The following HS3ST4 variants were observed in gnomAD, a reference collection of about 807,000 sequenced individuals.
HS3ST4 encodes the protein heparan sulfate-glucosamine 3-sulfotransferase 4, also known as heparan sulfate glucosamine 3-O-sulfotransferase 4.
Under a neutral mutation model 29.2 loss-of-function variants are expected in HS3ST4, and 17 were observed. That is an observed-to-expected ratio of 0.58 (90% CI 0.40 to 0.87). The LOEUF (loss-of-function observed/expected upper bound fraction) is 0.87. HS3ST4 is among the 40% of genes least tolerant of loss of function. The pLI is 0.00. For synonymous variants in HS3ST4, 314 were observed against 285.7 expected, an observed-to-expected ratio of 1.10 and a Z score of -1.00; for missense variants, 627 against 634.5, an observed-to-expected ratio of 0.99 and a Z score of 0.13.
At chr16:26,120,077 G>GTGTGTGTGTA (rs1555485152) in intron 1 of HS3ST4, among the ~76,000 whole-genome samples, 5 of 133,580 alleles carry the variant, frequency 3.7e-5, no homozygotes, top group African/African-American at 5.3e-5. Flanking sequence ...GTGTATGTGT[G>GTGTGTGTGTA]TGTGTGTGTG....
intron 1 of HS3ST4, among the ~76,000 whole-genome samples, chr16:25,904,428 T>A (rs1358967247): frequency 5.3e-5 from 8 of 152,256 alleles, no homozygotes; most frequent in African/African-American, 1.9e-4. Context: ...TGGCAACATT[T>A]GCTTTTTAAA....
intron 1 of HS3ST4, among the ~76,000 whole-genome samples, chr16:25,871,989 G>A (rs1967759007): frequency 6.6e-6 from 1 of 152,108 alleles, no homozygotes. Context: ...CTGGGTATAG[G>A]TCCAGTTTGC....
At chr16:26,015,042 T>C (rs1335806875) in intron 1 of HS3ST4, among the ~76,000 whole-genome samples, 2 of 152,198 alleles carry the variant, frequency 1.3e-5, no homozygotes, top group Admixed American at 1.3e-4. Context: ...ATGAAATTGA[T>C]AGTAAAAATG....
At chr16:26,017,034 A>G (rs1256629019) in intron 1 of HS3ST4, among the ~76,000 whole-genome samples, 1 of 152,200 alleles carries the variant, frequency 6.6e-6, no homozygotes, top group Non-Finnish European at 1.5e-5. Context: ...TCCTCAAGGG[A>G]CTATACACAG....
chr16:25,760,066 C>T (rs192695505), intron 1 of HS3ST4, among the ~76,000 whole-genome samples: 7 of 152,272 alleles, frequency 4.6e-5, no homozygotes, highest in Admixed American at 2.0e-4. Flanking sequence ...GAACTTCAAT[C>T]TGGGAGACTT....
At chr16:25,885,594 C>T (rs1218272037) in intron 1 of HS3ST4, among the ~76,000 whole-genome samples, 1 of 152,128 alleles carries the variant, frequency 6.6e-6, no homozygotes. Flanking sequence ...ACAACCCTAC[C>T]TGTCCCCCAA....
intron 1 of HS3ST4, among the ~76,000 whole-genome samples, chr16:26,009,107 T>G (rs912428653): frequency 3.9e-5 from 6 of 152,220 alleles, no homozygotes; most frequent in African/African-American, 1.2e-4. Flanking sequence ...TTACATGTTC[T>G]TCTTTCCTTC....
intron 1 of HS3ST4, among the ~76,000 whole-genome samples, chr16:25,993,851 G>A (rs114063404): frequency 0.011 from 1,732 of 152,030 alleles, 31 homozygotes; most frequent in African/African-American, 0.04. Flanking sequence ...TAGAGACTGG[G>A]AAGTCCAAGA....
intron 1 of HS3ST4, among the ~76,000 whole-genome samples, chr16:25,816,954 A>T (rs115433286): frequency 2.6e-5 from 4 of 152,168 alleles, no homozygotes; most frequent in African/African-American, 9.7e-5. Context: ...TTGTCCATTC[A>T]TGAGGGCAGA....
chr16:26,072,331 G>A (rs912881397), intron 1 of HS3ST4, among the ~76,000 whole-genome samples: 4 of 152,132 alleles, frequency 2.6e-5, no homozygotes, highest in East Asian at 1.9e-4. Flanking sequence ...GGGATGTTCC[G>A]TCTTCTACCT....
intron 1 of HS3ST4, among the ~76,000 whole-genome samples, chr16:25,950,389 C>T (rs1284402885): frequency 2.6e-5 from 4 of 152,032 alleles, no homozygotes; most frequent in Non-Finnish European, 4.4e-5. Context: ...CTTATAGGGT[C>T]TGGCTAATAG....
Position 26,136,254 on chromosome 16 carries a change from G to A in HS3ST4, c.*6G>A. The A allele has an allele frequency of 6.2e-7, 1 of 1,607,548 alleles. No homozygotes were observed. Among genetic ancestry groups the A allele is most frequent in the African/African-American group, 1.3e-5 (1 of 74,944 alleles). ...AGGAAGAGGGTGATAAATGAGGCTA[G>A]AGAGGCAGAGGAAGGCTAGTCAATA... On this transcript the variant is annotated 3_prime_UTR_variant, in exon 2 of 2. Transcript: ENST00000331351.
intron 1 of HS3ST4, among the ~76,000 whole-genome samples, chr16:26,009,730 A>G (rs1355085615): frequency 1.3e-5 from 2 of 152,340 alleles, no homozygotes; most frequent in East Asian, 3.9e-4. Context: ...TCCCACTCAC[A>G]TTTTATGAGC....
chr16:25,973,677 CGA>C (rs1968917434), intron 1 of HS3ST4, among the ~76,000 whole-genome samples: 1 of 152,094 alleles, frequency 6.6e-6, no homozygotes, highest in Admixed American at 6.6e-5. Context: ...TGATTTTTTC[CGA>C]CCTTGAATAC....
chr16:25,990,264 G>A (rs567651504), intron 1 of HS3ST4, among the ~76,000 whole-genome samples: 1 of 152,284 alleles, frequency 6.6e-6, no homozygotes. Context: ...GCTCCTTTGG[G>A]TATATATCAA....
At chr16:25,751,577 G>A (rs571490285) in intron 1 of HS3ST4, among the ~76,000 whole-genome samples, 181 of 152,318 alleles carry the variant, frequency 1.2e-3, no homozygotes, top group Middle Eastern at 3.4e-3. Context: ...CCTTTCAGGA[G>A]TTTGAAATGT....
intron 1 of HS3ST4, among the ~76,000 whole-genome samples, chr16:25,841,453 T>A (rs1331807724): frequency 1.3e-5 from 2 of 151,956 alleles, no homozygotes; most frequent in Non-Finnish European, 2.9e-5. Context: ...GGCAGCTAAT[T>A]TTTGTATTTT....
At chr16:25,929,935 C>T (rs1303239244) in intron 1 of HS3ST4, among the ~76,000 whole-genome samples, 7 of 152,056 alleles carry the variant, frequency 4.6e-5, no homozygotes, top group Non-Finnish European at 1.0e-4. Context: ...GTTATTTTTC[C>T]TGATGCTCTC....
intron 1 of HS3ST4, among the ~76,000 whole-genome samples, chr16:25,827,192 G>A (rs1967226535): frequency 6.6e-6 from 1 of 152,116 alleles, no homozygotes; most frequent in South Asian, 2.1e-4. Context: ...CTCTTTCTTG[G>A]AGCCATTTGG....
Sources: allele counts gnomAD v4.1 joint callset (sites outside exome capture counted in the v4.1 genomes callset), GRCh38; gene constraint gnomAD v4.1.1; transcripts MANE v1.5; gene names NCBI Gene and HGNC (gene_info 2026-07-23, HGNC 2026-07-21).